IL17RA: variants seen among roughly 807,000 people sequenced by gnomAD.
The protein encoded by IL17RA is interleukin 17 receptor A, also known as interleukin-17 receptor A.
A neutral mutation model predicts 50.4 loss-of-function variants in IL17RA; 34 were observed. The observed-to-expected ratio is 0.67, with a 90% CI of 0.51 to 0.90. IL17RA has a LOEUF of 0.90. Among genes scored for constraint, IL17RA ranks in the 40% least tolerant of loss-of-function variants. IL17RA has a pLI of 0.00. For missense variants in IL17RA, 1,276 were observed against 1,169.8 expected (o/e 1.09, Z -1.32); for synonymous variants, 585 against 510.4 (o/e 1.15, Z -1.97).
chr22:17,094,867 A>G (rs2061363569), intron 1 of IL17RA, among the ~76,000 whole-genome samples: 2 of 151,058 alleles, frequency 1.3e-5, no homozygotes, highest in East Asian at 1.9e-4. Flanking sequence ...ATTCTCTTTA[A>G]TATTTGCATA....
Position 17,085,130 on chromosome 22 carries a change from GC to G in IL17RA, c.43del (p.Leu15CysfsTer34). The G allele has an allele frequency of 6.8e-7, 1 of 1,465,912 alleles. No homozygotes were observed. The highest frequency in any genetic ancestry group is 9.0e-7 in the Non-Finnish European group (1 of 1,110,864). The allele number at this position is 1,465,912 out of a possible 1,614,324, so 90.8% of individuals were successfully genotyped here. A position where few individuals can be genotyped will look rare whatever the true frequency, so the allele number is the denominator to read the frequency against. ...ARSPPSAVPG[P>X]LLGLLLLLLG... ...GCAGCCCGCCGTCCGCTGTCCCGGG[GC>G]CCCTGCTGGGGCTGCTCCTGCTGCT... On this transcript the variant is annotated frameshift_variant, in exon 1 of 13. Coordinates refer to ENST00000319363, the MANE Select transcript of IL17RA (RefSeq NM_014339.7). LOFTEE classifies it high-confidence loss of function.
chr22:17,094,736 A>G (rs1275036720), intron 1 of IL17RA, among the ~76,000 whole-genome samples: 1 of 102,540 alleles, frequency 9.8e-6, no homozygotes. Flanking sequence ...GATCTTTTTC[A>G]TGACTTATTT....
At position 17,085,233 on chromosome 22, in the gene IL17RA, A is replaced by G; in HGVS notation, c.138+4A>G. On this transcript the variant is annotated splice_donor_region_variant and intron_variant, in intron 1 of 12. Coordinates refer to ENST00000319363, the MANE Select transcript of IL17RA (RefSeq NM_014339.7). ...GGCGCTGGTCTGCTCCCAGCCGGTG[A>G]GACTCGACGTGGGGAGCGGTAGCCG... 6.5e-7 allele frequency: 1 copy of G among 1,538,364 alleles called. No individual in the cohort carries two copies.
At chr22:17,085,261 A>C in intron 1 of IL17RA, 32 bp downstream of exon 1, 1 of 1,536,210 alleles carries the variant, frequency 6.5e-7, no homozygotes, top group Non-Finnish European at 8.7e-7. Flanking sequence ...GGTAGCCGCC[A>C]GGATGCTGCG....
At chr22:17,085,319 C>T in intron 1 of IL17RA, 90 bp downstream of exon 1, 1 of 1,507,092 alleles carries the variant, frequency 6.6e-7, no homozygotes, top group East Asian at 2.6e-5. Flanking sequence ...ACTACGCGCC[C>T]GGGCTGGGGA....
Position 17,108,387 on chromosome 22 carries a change from C to T in IL17RA, c.1168C>T (p.Leu390Phe), listed in dbSNP as rs528982481. ...VWIIYSADHP[L>F]YVDVVLKFAQ... ...GATCATCTACTCAGCCGACCACCCC[C>T]TCTACGTGGACGTGGTCCTGAAATT... The change falls in exon 13 of 13, where the codon CTC becomes TTC. Residue 390 changes from leucine (L) to phenylalanine (F), a missense_variant. Leu to Phe is a conservative substitution (Grantham distance 22). Coordinates refer to ENST00000319363, the MANE Select transcript of IL17RA (RefSeq NM_014339.7). The T allele has an allele frequency of 2.5e-6, 4 of 1,613,958 alleles. No homozygotes were observed. The highest frequency in any genetic ancestry group is 1.7e-5 in the Admixed American group (1 of 60,008).
chr22:17,109,187 C>A lies in IL17RA; in HGVS notation c.1968C>A (p.Pro656=), dbSNP rs779207175. 10 of 1,519,320 alleles carry A rather than the reference C, an allele frequency of 6.6e-6. No individual in the cohort carries two copies. In the South Asian group the frequency reaches 1.1e-4, roughly 17 times the overall value. 94.1% of individuals were successfully genotyped at this position (1,519,320 alleles called of 1,614,324 possible). A position where few individuals can be genotyped will look rare whatever the true frequency, so the allele number is the denominator to read the frequency against. Residue 656 remains proline (P), a synonymous_variant, in exon 13 of 13, where the codon CCC becomes CCA. Coordinates refer to ENST00000319363, the MANE Select transcript of IL17RA (RefSeq NM_014339.7). ...AVAKLEPHLQ[P]RGQPAPQPLH... is the part of the protein sequence containing the mutation. ...CAAAGCTGGAACCTCACCTGCAGCC[C>A]CGGGGTCAGCCAGCGCCGCAGCCCC... is the stretch of plus-strand genomic sequence containing the variant.
chr22:17,103,142 C>CT (rs903786657), intron 7 of IL17RA, among the ~76,000 whole-genome samples: 3 of 151,920 alleles, frequency 2.0e-5, no homozygotes, highest in Admixed American at 6.6e-5. Context: ...TACTCCATCT[C>CT]TAAAAAAAAA....
chr22:17,106,496 G>A (rs1274038565), intron 11 of IL17RA, among the ~76,000 whole-genome samples: 1 of 152,218 alleles, frequency 6.6e-6, no homozygotes, highest in Non-Finnish European at 1.5e-5. Context: ...AGGGTGTGAC[G>A]AAGGTTAAAT....
chr22:17,094,691 C>CTCTCTATATATA (rs1448096911), intron 1 of IL17RA, among the ~76,000 whole-genome samples: 5 of 24,704 alleles, frequency 2.0e-4, no homozygotes, highest in African/African-American at 1.1e-3. Flanking sequence ...CTCTCTCTCT[C>CTCTCTATATATA]TATATATATA....
chr22:17,097,756 C>T (rs1431181656), intron 2 of IL17RA, 41 bp from the exon 3 acceptor site: 8 of 1,612,862 alleles, frequency 5.0e-6, no homozygotes, highest in Admixed American at 1.7e-5. Flanking sequence ...CTCAGGGTCT[C>T]GGCTATAAGT....
chr22:17,094,691 C>CTCTATATATATATATATATATA (rs1448096911), intron 1 of IL17RA, among the ~76,000 whole-genome samples: 11 of 24,702 alleles, frequency 4.5e-4, no homozygotes, highest in Non-Finnish European at 6.7e-4. Context: ...CTCTCTCTCT[C>CTCTATATATATATATATATATA]TATATATATA....
Position 17,108,767 on chromosome 22 carries a change from G to A in IL17RA, c.1548G>A (p.Leu516=), listed in dbSNP as rs1412534782. ...EVSCDGDVPD[L]FGAAPRYPLM... is the part of the protein sequence containing the mutation. ...GCTGTGACGGCGACGTCCCCGACCT[G>A]TTCGGCGCGGCGCCGCGGTACCCGC... is the stretch of plus-strand genomic sequence containing the variant. The change falls in exon 13 of 13, where the codon CTG becomes CTA. Residue 516 remains leucine, a synonymous_variant. Transcript: ENST00000319363. The A allele has an allele frequency of 7.5e-6, 12 of 1,609,522 alleles. No individual in the cohort carries two copies. In the African/African-American group the frequency reaches 1.3e-4, roughly 18 times the overall value.
In IL17RA at chr22:17,115,240, G is replaced by T. The variant is rs919136617; in HGVS notation, c.*5420G>T. ...CGCTCCAGGGAGAAATGAAGACATG[G>T]TCCTACGTTGTTCTGTAATTATTTT... is the stretch of plus-strand genomic sequence containing the variant. On this transcript the variant is annotated 3_prime_UTR_variant, in exon 13 of 13. Transcript: ENST00000319363. 1 of 152,234 alleles carries T rather than the reference G, an allele frequency of 6.6e-6. No individual in the cohort carries two copies. The highest frequency in any genetic ancestry group is 6.5e-5 in the Admixed American group (1 of 15,284). The allele number at this position is 152,234 out of a possible 1,614,324, so 9.4% of individuals were successfully genotyped here. A position where few individuals can be genotyped will look rare whatever the true frequency, so the allele number is the denominator to read the frequency against.
Position 17,098,806 on chromosome 22 carries a change from A to G in IL17RA, c.342A>G (p.Leu114=). The G allele has an allele frequency of 6.2e-7, 1 of 1,614,192 alleles. No homozygotes were observed. Among genetic ancestry groups the G allele is most frequent in the South Asian group, 1.1e-5 (1 of 91,088 alleles). Residue 114 remains leucine (L), a synonymous_variant, in exon 4 of 13, where the codon TTA becomes TTG. Coordinates refer to ENST00000319363, the MANE Select transcript of IL17RA (RefSeq NM_014339.7). The part of the protein sequence containing the change: ...ASILYLEGAE[L]SVLQLNTNER... ...TCCTGTACCTCGAGGGTGCAGAGTT[A>G]TCTGTCCTGCAGCTGAACACCAATG... is the stretch of plus-strand genomic sequence containing the variant.
chr22:17,099,655 C>T (rs766923019), intron 4 of IL17RA, among the ~76,000 whole-genome samples: 6 of 152,016 alleles, frequency 3.9e-5, no homozygotes, highest in Admixed American at 6.6e-5. Flanking sequence ...AACCCCTCTC[C>T]GATGTTAAAT....
Position 17,102,165 on chromosome 22 carries a change from G to GTGGAGACCCTGGAGGCCCACCAGC in IL17RA, c.628_651dup (p.Glu210_Leu217dup). 1 of 1,614,100 alleles carries GTGGAGACCCTGGAGGCCCACCAGC rather than the reference G, an allele frequency of 6.2e-7. No homozygotes were observed. Among genetic ancestry groups the GTGGAGACCCTGGAGGCCCACCAGC allele is most frequent in the Non-Finnish European group, 8.5e-7 (1 of 1,180,018 alleles). On this transcript the variant is annotated inframe_insertion, in exon 7 of 13. Coordinates refer to ENST00000319363, the MANE Select transcript of IL17RA (RefSeq NM_014339.7). ...CAGCCTGTGGGACCCCAACATCACC[G>GTGGAGACCCTGGAGGCCCACCAGC]TGGAGACCCTGGAGGCCCACCAGCT...
chr22:17,104,662 G>A, intron 8 of IL17RA, 64 bp from the exon 9 acceptor site: 1 of 1,451,916 alleles, frequency 6.9e-7, no homozygotes, highest in Non-Finnish European at 9.6e-7. Flanking sequence ...CATTGCCGCT[G>A]CTGGCTGGAA....
intron 12 of IL17RA, 42 bp from the exon 13 acceptor site, chr22:17,108,265 G>T (rs369666206): frequency 2.6e-4 from 418 of 1,602,184 alleles, no homozygotes; most frequent in Non-Finnish European, 3.2e-4. Flanking sequence ...GCTGCCCTGG[G>T]CCCTGGGGTG....
Sources: allele counts gnomAD v4.1 joint callset (sites outside exome capture counted in the v4.1 genomes callset), GRCh38; gene constraint gnomAD v4.1.1; transcripts MANE v1.5; gene names NCBI Gene and HGNC (gene_info 2026-07-23, HGNC 2026-07-21).